The following CA10 variants were observed in gnomAD, a reference collection of about 807,000 sequenced individuals.
The protein encoded by CA10 is carbonic anhydrase 10 (inactive).
CA10 carries 14 observed loss-of-function variants against 44.2 expected under a neutral mutation model. The observed-to-expected ratio is 0.32, with a 90% CI of 0.21 to 0.50. The LOEUF (loss-of-function observed/expected upper bound fraction) is 0.50, where lower values mean the gene tolerates loss of function less well. Ranked by LOEUF, CA10 falls within the 20% of genes least tolerant of loss-of-function variation. The pLI, the probability that CA10 is intolerant of heterozygous loss-of-function variation, is 0.99. For synonymous variants in CA10, 159 were observed against 141.6 expected, an observed-to-expected ratio of 1.12 and a Z score of -0.87; for missense variants, 350 against 409.7, an observed-to-expected ratio of 0.85 and a Z score of 1.26.
rs1296462792 is a variant in CA10 at position 51,717,764 on chromosome 17, T to C, written c.465+29869A>G. 1.6e-4 allele frequency among the ~76,000 whole-genome samples: 13 copies of C among 83,192 alleles called. 3 individuals carry two copies. Among genetic ancestry groups the C allele is most frequent in the Admixed American group, 3.0e-4 (2 of 6,608 alleles). The allele number at this position is 83,192 out of a possible 152,430, so 54.6% of individuals were successfully genotyped here. On this transcript the variant is annotated intron_variant, in intron 4 of 8. Transcript: ENST00000451037. ...ATATATACATGTATATATACGTATATATGTATACATATATGCATGTATATA... is the reference window on the plus strand; with the variant it reads ...ATATATACATGTATATATACGTATACATGTATACATATATGCATGTATATA...
intron 3 of CA10, among the ~76,000 whole-genome samples, chr17:51,897,263 G>C (rs950507794): frequency 6.6e-6 from 1 of 151,882 alleles, no homozygotes; most frequent in Non-Finnish European, 1.5e-5. Context: ...ATAAGTGAGG[G>C]GCCCAGTTTC....
chr17:52,055,673 C>T (rs1304992449), intron 2 of CA10, among the ~76,000 whole-genome samples: 2 of 151,890 alleles, frequency 1.3e-5, no homozygotes, highest in East Asian at 1.9e-4. Flanking sequence ...TTACTGATAC[C>T]GTTTCAGACA....
intron 4 of CA10, among the ~76,000 whole-genome samples, chr17:51,692,005 T>C (rs1915211854): frequency 6.6e-6 from 1 of 152,216 alleles, no homozygotes; most frequent in African/African-American, 2.4e-5. Context: ...TCCATATGAA[T>C]TTTAGGAATT....
At chr17:51,831,696 G>GCAGCAGCAGCAGCATCAGCAC (rs1908268447) in intron 3 of CA10, among the ~76,000 whole-genome samples, 1 of 87,052 alleles carries the variant, frequency 1.1e-5, no homozygotes, top group African/African-American at 3.5e-5. Context: ...AGCAGCAGCA[G>GCAGCAGCAGCAGCATCAGCAC]CAGCAGCAGC....
At chr17:51,847,933 A>G (rs1230008289) in intron 3 of CA10, among the ~76,000 whole-genome samples, 1 of 152,124 alleles carries the variant, frequency 6.6e-6, no homozygotes, top group Non-Finnish European at 1.5e-5. Context: ...CCTTTTGGGG[A>G]CCTTCTGCAA....
intron 3 of CA10, among the ~76,000 whole-genome samples, chr17:51,816,077 T>C (rs1188846101): frequency 6.6e-6 from 1 of 152,084 alleles, no homozygotes; most frequent in Non-Finnish European, 1.5e-5. Flanking sequence ...CCCGGCCCCC[T>C]GCTACCCTTT....
intron 3 of CA10, among the ~76,000 whole-genome samples, chr17:51,834,654 C>A (rs1273302050): frequency 6.6e-6 from 1 of 152,156 alleles, no homozygotes; most frequent in African/African-American, 2.4e-5. Context: ...AGGCAGGTGA[C>A]AAAGTAATAA....
intron 2 of CA10, among the ~76,000 whole-genome samples, chr17:51,952,363 G>T (rs1352923524): frequency 6.6e-6 from 1 of 152,076 alleles, no homozygotes; most frequent in Non-Finnish European, 1.5e-5. Context: ...ATATTCTGAG[G>T]TACCGGGGGT....
intron 1 of CA10, among the ~76,000 whole-genome samples, chr17:52,085,610 T>A (rs1202885067): frequency 6.6e-6 from 1 of 152,232 alleles, no homozygotes; most frequent in Non-Finnish European, 1.5e-5. Context: ...CCAAAACTCA[T>A]CCTATCTCCT....
rs75358111 is a variant in CA10 at position 51,993,510 on chromosome 17, G to A, written c.137-62378C>T. ...CTGATATAGTTATTTATTAGCATCC[G>A]TGTAACCATGAACAGAAATCCTCCC... is the stretch of plus-strand genomic sequence containing the variant. On this transcript the variant is annotated intron_variant, in intron 2 of 8. Transcript: ENST00000451037. Among the ~76,000 whole-genome samples the A allele has an allele frequency of 6.0e-3, 913 of 152,084 alleles. 43 individuals carry two copies. The highest frequency in any genetic ancestry group is 0.043 in the Admixed American group (654 of 15,270).
At chr17:51,825,977 C>T (rs1174375425) in intron 3 of CA10, among the ~76,000 whole-genome samples, 1 of 152,212 alleles carries the variant, frequency 6.6e-6, no homozygotes, top group Non-Finnish European at 1.5e-5. Context: ...TCACTCTACG[C>T]ACTTATAATC....
chr17:51,899,100 C>G (rs1296365523), intron 3 of CA10, among the ~76,000 whole-genome samples: 5 of 151,714 alleles, frequency 3.3e-5, no homozygotes, highest in Non-Finnish European at 7.4e-5. Flanking sequence ...GGTTGGCTGG[C>G]TCTTGTTTTT....
At chr17:51,698,935 T>C (rs971572448) in intron 4 of CA10, among the ~76,000 whole-genome samples, 21 of 152,224 alleles carry the variant, frequency 1.4e-4, no homozygotes, top group African/African-American at 5.1e-4. Context: ...CCCATTCATC[T>C]GTTCATGAAC....
Position 51,748,503 on chromosome 17 carries a change from T to G in CA10, c.280-685A>C, listed in dbSNP as rs566365787. 1,618 of 985,118 alleles carry G rather than the reference T, an allele frequency of 1.6e-3. 1 individual carries two copies. The highest frequency in any genetic ancestry group is 1.9e-3 in the Non-Finnish European group (1,579 of 829,918). 61.0% of individuals were successfully genotyped at this position (985,118 alleles called of 1,614,324 possible). On this transcript the variant is annotated intron_variant, in intron 3 of 8. Transcript: ENST00000451037. Reference sequence around the variant, plus strand: ...CTGCTTGGCATTCCTTTTCCTTCTTTTCTTGCTGGGACTTGATGTTCAGCT... The same window carrying G: ...CTGCTTGGCATTCCTTTTCCTTCTTGTCTTGCTGGGACTTGATGTTCAGCT...
At chr17:51,655,804 C>G (rs1238514696) in intron 4 of CA10, among the ~76,000 whole-genome samples, 1 of 152,228 alleles carries the variant, frequency 6.6e-6, no homozygotes, top group African/African-American at 2.4e-5. Flanking sequence ...ATGAAGAGAG[C>G]ACATGTTACT....
intron 3 of CA10, among the ~76,000 whole-genome samples, chr17:51,874,008 T>C (rs1979935896): frequency 6.6e-6 from 1 of 152,180 alleles, no homozygotes; most frequent in Non-Finnish European, 1.5e-5. Context: ...TCTGAGTTCC[T>C]TTTCTTCCCA....
At chr17:52,051,964 T>A (rs1362995773) in intron 2 of CA10, among the ~76,000 whole-genome samples, 1 of 152,020 alleles carries the variant, frequency 6.6e-6, no homozygotes, top group African/African-American at 2.4e-5. Context: ...AAGAACAAGA[T>A]CACGTCCTTT....
chr17:51,680,675 C>A (rs113071088), intron 4 of CA10, among the ~76,000 whole-genome samples: 18 of 152,308 alleles, frequency 1.2e-4, no homozygotes, highest in African/African-American at 4.1e-4. Context: ...AAAGGATTTA[C>A]AGTGGGATGC....
chr17:51,914,065 C>A (rs193253726), intron 3 of CA10, among the ~76,000 whole-genome samples: 5 of 152,230 alleles, frequency 3.3e-5, no homozygotes, highest in African/African-American at 1.2e-4. Context: ...TTTACACTGG[C>A]CAGTCCTTTG....
Sources: gnomAD v4.1 joint callset for allele counts (sites outside exome capture counted in the v4.1 genomes callset) on GRCh38, gnomAD v4.1.1 for gene constraint, MANE v1.5 for transcripts, NCBI Gene and HGNC (gene_info 2026-07-23, HGNC 2026-07-21) for gene names.